The following GPRC5A variants were observed in gnomAD, a reference collection of about 807,000 sequenced individuals.
GPRC5A encodes the protein retinoic acid-induced protein 3.
In GPRC5A, 19 loss-of-function variants were observed where a neutral mutation model predicts 22.5. That is an observed-to-expected ratio of 0.85 (90% CI 0.59 to 1.24). GPRC5A has a LOEUF of 1.24. GPRC5A is among the 50% of genes most tolerant of loss of function. The probability of loss-of-function intolerance (pLI) is 0.00; values close to 1 mark genes in which losing one functional copy is unlikely to be tolerated. For synonymous variants in GPRC5A, 192 were observed against 184.5 expected, an observed-to-expected ratio of 1.04 and a Z score of -0.33; for missense variants, 471 against 451.1, an observed-to-expected ratio of 1.04 and a Z score of -0.40.
rs148545137 is a variant in GPRC5A at position 12,910,196 on chromosome 12, G to A, written c.922+1025G>A. Reference sequence around the variant, plus strand: ...TGTTCTTAGCTCCAGCTAAAAATAGGTCTTTCCTTTGCTCTTAAGCCTGAG... The same window carrying A: ...TGTTCTTAGCTCCAGCTAAAAATAGATCTTTCCTTTGCTCTTAAGCCTGAG... On this transcript the variant is annotated intron_variant, in intron 2 of 3. Coordinates refer to ENST00000014914, the MANE Select transcript of GPRC5A (RefSeq NM_003979.4). Among the ~76,000 whole-genome samples the A allele has an allele frequency of 1.6e-3, 246 of 152,214 alleles. 1 individual carries two copies. The highest frequency in any genetic ancestry group is 5.8e-3 in the African/African-American group (242 of 41,538).
intron 2 of GPRC5A, among the ~76,000 whole-genome samples, chr12:12,911,593 A>G (rs1324258041): frequency 6.6e-6 from 1 of 150,740 alleles, no homozygotes; most frequent in Non-Finnish European, 1.5e-5. Context: ...GGTTCACACC[A>G]TTCTCCTGCC....
chr12:12,905,867 G>A (rs1169306435), intron 1 of GPRC5A, among the ~76,000 whole-genome samples: 2 of 152,138 alleles, frequency 1.3e-5, no homozygotes, highest in Non-Finnish European at 2.9e-5. Context: ...CTGATTATCC[G>A]AATGAGTAAG....
chr12:12,897,489 G>A, intron 1 of GPRC5A, among the ~76,000 whole-genome samples: 1 of 152,110 alleles, frequency 6.6e-6, no homozygotes. Context: ...CTTGCACGGA[G>A]GTGGAGACGG....
chr12:12,915,987 CCTT>C lies in GPRC5A; in HGVS notation c.*3451_*3453del. 1 of 409,404 alleles carries C rather than the reference CCTT, an allele frequency of 2.4e-6. No individual in the cohort carries two copies. Among genetic ancestry groups the C allele is most frequent in the Non-Finnish European group, 5.1e-6 (1 of 194,356 alleles). 25.4% of individuals were successfully genotyped at this position (409,404 alleles called of 1,614,324 possible). A position where few individuals can be genotyped will look rare whatever the true frequency, so the allele number is the denominator to read the frequency against. ...TGTTAACTCATCTTCAGGTCTCACACCTTCTGCACATAAATAAGCTATTTTTAA... is the reference window on the plus strand; with the variant it reads ...TGTTAACTCATCTTCAGGTCTCACACCTGCACATAAATAAGCTATTTTTAA... On this transcript the variant is annotated 3_prime_UTR_variant, in exon 4 of 4. Coordinates refer to ENST00000014914, the MANE Select transcript of GPRC5A (RefSeq NM_003979.4).
At chr12:12,901,522 G>T (rs1006457215) in intron 1 of GPRC5A, among the ~76,000 whole-genome samples, 1 of 151,974 alleles carries the variant, frequency 6.6e-6, no homozygotes, top group Non-Finnish European at 1.5e-5. Context: ...CCCACACACC[G>T]AGCGCCATTC....
intron 1 of GPRC5A, among the ~76,000 whole-genome samples, chr12:12,894,329 T>C (rs929796415): frequency 1.8e-4 from 27 of 152,244 alleles, no homozygotes; most frequent in Non-Finnish European, 3.2e-4. Context: ...TTGTATATTT[T>C]ATCTGCCAAG....
rs1362873640 is a variant in GPRC5A, at chr12:12,908,714, G to T, written c.465G>T (p.Leu155=). 6.2e-7 allele frequency: 1 copy of T among 1,613,878 alleles called. No homozygotes were observed. Among genetic ancestry groups the T allele is most frequent in the African/African-American group, 1.3e-5 (1 of 74,938 alleles). ...TTATCGCTATTGAATATATTGTCCT[G>T]ACCATGAATAGGACCAACGTCAATG... The part of the protein sequence containing the change: ...QDVIAIEYIV[L]TMNRTNVNVF... The change falls in exon 2 of 4, where the codon CTG becomes CTT. Residue 155 remains leucine (L), a synonymous_variant. Transcript: ENST00000014914.
intron 1 of GPRC5A, among the ~76,000 whole-genome samples, chr12:12,898,898 C>A (rs1341020503): frequency 6.6e-6 from 1 of 152,154 alleles, no homozygotes; most frequent in Non-Finnish European, 1.5e-5. Context: ...ATTTTAAAAC[C>A]CCACTAGGTA....
intron 1 of GPRC5A, among the ~76,000 whole-genome samples, chr12:12,905,345 C>T (rs908024640): frequency 3.9e-5 from 6 of 152,228 alleles, no homozygotes; most frequent in South Asian, 2.1e-4. Context: ...GTGACCTCTG[C>T]GAGCCTTCCC....
rs1466799661 is a variant in GPRC5A, at chr12:12,915,911, G to A, written c.*3372G>A. 3.8e-6 allele frequency: 2 copies of A among 524,434 alleles called. No homozygotes were observed. The highest frequency in any genetic ancestry group is 7.9e-6 in the Non-Finnish European group (2 of 254,242). 32.5% of individuals were successfully genotyped at this position (524,434 alleles called of 1,614,324 possible). On this transcript the variant is annotated 3_prime_UTR_variant, in exon 4 of 4. Coordinates refer to ENST00000014914, the MANE Select transcript of GPRC5A (RefSeq NM_003979.4). ...GCCTGTTCTTGCCAGGTGGCAGAAG[G>A]TTGCTGCTCATTTGAGCAGTACCTG... is the stretch of plus-strand genomic sequence containing the variant.
intron 2 of GPRC5A, among the ~76,000 whole-genome samples, chr12:12,911,114 G>A (rs561953695): frequency 3.3e-5 from 5 of 152,076 alleles, no homozygotes; most frequent in Admixed American, 2.6e-4. Context: ...CTCATGATCC[G>A]CCCGCCTAGG....
chr12:12,900,103 G>T (rs1227990636), intron 1 of GPRC5A, among the ~76,000 whole-genome samples: 1 of 152,212 alleles, frequency 6.6e-6, no homozygotes, highest in Non-Finnish European at 1.5e-5. Flanking sequence ...TGTCAGTCAA[G>T]GCCATGTCTA....
rs1161309902 is a variant in GPRC5A, at chr12:12,908,529, G to A, written c.280G>A (p.Gly94Arg). The A allele has an allele frequency of 6.2e-7, 1 of 1,614,036 alleles. No individual in the cohort carries two copies. Among genetic ancestry groups the A allele is most frequent in the Non-Finnish European group, 8.5e-7 (1 of 1,180,038 alleles). The change falls in exon 2 of 4, where the codon GGG becomes AGG. Residue 94 changes from glycine (G) to arginine (R), a missense_variant. By Grantham distance (125) the Gly-to-Arg change is moderately radical (BLOSUM62 -2). Coordinates refer to ENST00000014914, the MANE Select transcript of GPRC5A (RefSeq NM_003979.4). ...CATCATCGGACTGGACGGGAGCACA[G>A]GGCCCACACGCTTCTTCCTCTTTGG... is the stretch of plus-strand genomic sequence containing the variant. ...AFIIGLDGST[G>R]PTRFFLFGIL... is the part of the protein sequence containing the mutation.
intron 1 of GPRC5A, among the ~76,000 whole-genome samples, chr12:12,892,344 A>T (rs1486048143): frequency 1.3e-5 from 2 of 152,114 alleles, no homozygotes; most frequent in Non-Finnish European, 2.9e-5. Context: ...TCCCTTAAAC[A>T]TCCATGGGGA....
chr12:12,907,624 A>G (rs977698097), intron 1 of GPRC5A, among the ~76,000 whole-genome samples: 12 of 152,134 alleles, frequency 7.9e-5, no homozygotes, highest in Non-Finnish European at 1.3e-4. Context: ...GGTTATTTGT[A>G]ATATATACAC....
In GPRC5A at chr12:12,915,808, G is replaced by A. The variant is rs1237902101; in HGVS notation, c.*3269G>A. 2.0e-6 allele frequency: 1 copy of A among 509,682 alleles called. No individual in the cohort carries two copies. The highest frequency in any genetic ancestry group is 2.0e-5 in the Admixed American group (1 of 49,550). The allele number at this position is 509,682 out of a possible 1,614,324, so 31.6% of individuals were successfully genotyped here. On this transcript the variant is annotated 3_prime_UTR_variant, in exon 4 of 4. Coordinates refer to ENST00000014914, the MANE Select transcript of GPRC5A (RefSeq NM_003979.4). ...TGGGATTACAGGCATGAGCCACCGCGCCCGGCCCCGTTGTTTCCCTTCTAA... is the reference window on the plus strand; with the variant it reads ...TGGGATTACAGGCATGAGCCACCGCACCCGGCCCCGTTGTTTCCCTTCTAA...
intron 1 of GPRC5A, among the ~76,000 whole-genome samples, chr12:12,892,801 C>T (rs1343076688): frequency 6.6e-6 from 1 of 152,160 alleles, no homozygotes; most frequent in Non-Finnish European, 1.5e-5. Context: ...GTGTAAACAC[C>T]ACACCTGTTG....
rs1142186 is a variant in GPRC5A at position 12,909,169 on chromosome 12, A to G, written c.920A>G (p.Gln307Arg). The change falls in exon 2 of 4, where the codon CAA becomes CGA. Residue 307 changes from glutamine to arginine, a missense_variant and splice_region_variant. Coordinates refer to ENST00000014914, the MANE Select transcript of GPRC5A (RefSeq NM_003979.4). ...NRAYSQEEIT[Q>R]GFEETGDTLY... The stretch of plus-strand genomic sequence containing the variant: ...GCCTACTCTCAAGAGGAAATCACTC[A>G]AGGTACAGATGCAGCCTGGCTAGGC... 1 of 1,577,730 alleles carries G rather than the reference A, an allele frequency of 6.3e-7. No homozygotes were observed. Among genetic ancestry groups the G allele is most frequent in the Non-Finnish European group, 8.6e-7 (1 of 1,165,390 alleles).
intron 2 of GPRC5A, among the ~76,000 whole-genome samples, chr12:12,911,767 C>T (rs1018823664): frequency 8.5e-5 from 13 of 152,284 alleles, no homozygotes; most frequent in African/African-American, 3.1e-4. Flanking sequence ...GGATTACAGG[C>T]GTGAGCCACC....
Sources: gnomAD v4.1 joint callset for allele counts (sites outside exome capture counted in the v4.1 genomes callset) on GRCh38, gnomAD v4.1.1 for gene constraint, MANE v1.5 for transcripts, NCBI Gene and HGNC (gene_info 2026-07-23, HGNC 2026-07-21) for gene names.